The following SLIT2 variants were observed in gnomAD, a reference collection of about 807,000 sequenced individuals.
The protein encoded by SLIT2 is slit guidance ligand 2.
A neutral mutation model predicts 185.7 loss-of-function variants in SLIT2; 41 were observed. The ratio of observed to expected loss-of-function variants is 0.22; its 90% CI spans 0.17 to 0.29. The LOEUF (loss-of-function observed/expected upper bound fraction) is 0.29. SLIT2 is among the 10% of genes least tolerant of loss of function. The pLI is 1.00. For synonymous variants in SLIT2, 693 were observed against 680.2 expected, an observed-to-expected ratio of 1.02 and a Z score of -0.29; for missense variants, 1,571 against 1,909.0, an observed-to-expected ratio of 0.82 and a Z score of 3.30.
At chr4:20,580,214 C>T (rs1006178526) in intron 29 of SLIT2, among the ~76,000 whole-genome samples, 20 of 151,166 alleles carry the variant, frequency 1.3e-4, no homozygotes, top group Non-Finnish European at 2.1e-4. Context: ...ATGCGCACCA[C>T]CATACCCAGT....
intron 4 of SLIT2, among the ~76,000 whole-genome samples, chr4:20,274,815 C>A (rs1291807238): frequency 6.6e-6 from 1 of 151,810 alleles, no homozygotes; most frequent in East Asian, 1.9e-4. Context: ...CTAACTCCAC[C>A]AACAAGTACT....
At chr4:20,541,369 C>T (rs1320438742) in intron 19 of SLIT2, 84 bp from the exon 20 acceptor site, 5 of 1,139,058 alleles carry the variant, frequency 4.4e-6, no homozygotes, top group East Asian at 2.4e-5. Flanking sequence ...GCGGAAATAG[C>T]GTGGAGAAGG....
chr4:20,487,763 A>T (rs932718279), intron 7 of SLIT2, among the ~76,000 whole-genome samples: 1 of 152,202 alleles, frequency 6.6e-6, no homozygotes, highest in African/African-American at 2.4e-5. Context: ...GCTCAAGGAG[A>T]ATGCAAAGCA....
intron 34 of SLIT2, chr4:20,616,426 G>A (rs1371677212): frequency 6.5e-6 from 1 of 152,682 alleles, no homozygotes; most frequent in Non-Finnish European, 1.5e-5. Context: ...CATGTCACCA[G>A]GGCTTTCTGA....
chr4:20,332,955 T>G (rs1720192707), intron 4 of SLIT2, among the ~76,000 whole-genome samples: 1 of 152,134 alleles, frequency 6.6e-6, no homozygotes, highest in African/African-American at 2.4e-5. Flanking sequence ...ATTTTCTATT[T>G]TTAAAAGAAA....
intron 4 of SLIT2, among the ~76,000 whole-genome samples, chr4:20,452,467 A>G (rs1378197241): frequency 1.3e-5 from 2 of 152,236 alleles, no homozygotes; most frequent in Non-Finnish European, 2.9e-5. Flanking sequence ...GGACAGTTTC[A>G]AAACTCTCTG....
At chr4:20,378,653 G>C (rs1281127647) in intron 4 of SLIT2, among the ~76,000 whole-genome samples, 4 of 152,090 alleles carry the variant, frequency 2.6e-5, no homozygotes, top group African/African-American at 9.7e-5. Context: ...TCAGTAACTG[G>C]AAGGTTAATC....
At chr4:20,523,666 T>C (rs1721030694) in intron 12 of SLIT2, 94 bp from the exon 13 acceptor site, 1 of 979,130 alleles carries the variant, frequency 1.0e-6, no homozygotes, top group South Asian at 1.5e-5. Context: ...AAAAGAAATA[T>C]ATTTCTTGAC....
chr4:20,607,003 C>T (rs1315536266), intron 33 of SLIT2, among the ~76,000 whole-genome samples: 1 of 152,176 alleles, frequency 6.6e-6, no homozygotes, highest in Non-Finnish European at 1.5e-5. Context: ...AGCTGGACAA[C>T]CTGGCTTCAG....
At chr4:20,431,886 T>C (rs1729010028) in intron 4 of SLIT2, among the ~76,000 whole-genome samples, 1 of 152,190 alleles carries the variant, frequency 6.6e-6, no homozygotes, top group African/African-American at 2.4e-5. Flanking sequence ...TAGGAGTGTT[T>C]GGAACTTGAT....
At chr4:20,434,350 G>T (rs1364536176) in intron 4 of SLIT2, among the ~76,000 whole-genome samples, 2 of 152,186 alleles carry the variant, frequency 1.3e-5, no homozygotes, top group African/African-American at 4.8e-5. Context: ...GCTGGGCGTG[G>T]TGGCGCATGC....
intron 4 of SLIT2, among the ~76,000 whole-genome samples, chr4:20,353,711 A>G (rs1722068846): frequency 6.6e-6 from 1 of 152,186 alleles, no homozygotes; most frequent in African/African-American, 2.4e-5. Context: ...AAAAGAAGAA[A>G]TGCAGCTGGT....
intron 4 of SLIT2, among the ~76,000 whole-genome samples, chr4:20,413,835 G>T (rs568236536): frequency 6.6e-6 from 1 of 151,884 alleles, no homozygotes; most frequent in South Asian, 2.1e-4. Context: ...TGGCATCTAG[G>T]TATATCATGT....
At chr4:20,384,130 A>T (rs73238770) in intron 4 of SLIT2, among the ~76,000 whole-genome samples, 5 of 151,894 alleles carry the variant, frequency 3.3e-5, no homozygotes, top group Non-Finnish European at 7.4e-5. Context: ...AAAACCAGAA[A>T]AGAACTCAAT....
chr4:20,429,616 T>C (rs1410878195), intron 4 of SLIT2, among the ~76,000 whole-genome samples: 1 of 151,150 alleles, frequency 6.6e-6, no homozygotes, highest in Non-Finnish European at 1.5e-5. Flanking sequence ...TGGGATGGAG[T>C]GGGAAAAGGG....
intron 4 of SLIT2, among the ~76,000 whole-genome samples, chr4:20,289,135 C>T (rs759372608): frequency 3.3e-5 from 5 of 152,128 alleles, no homozygotes; most frequent in African/African-American, 9.7e-5. Context: ...CAACAATGTC[C>T]GTACTCTCCA....
intron 29 of SLIT2, among the ~76,000 whole-genome samples, chr4:20,586,927 G>T (rs576650808): frequency 5.5e-4 from 84 of 152,250 alleles, no homozygotes; most frequent in Non-Finnish European, 7.9e-4. Flanking sequence ...ATGTCGGGTG[G>T]AAGATTGGTC....
intron 4 of SLIT2, among the ~76,000 whole-genome samples, chr4:20,366,300 C>T (rs1723113601): frequency 6.6e-6 from 1 of 152,166 alleles, no homozygotes; most frequent in Non-Finnish European, 1.5e-5. Context: ...TAGGCATTCA[C>T]AGCTCTTAGC....
At chr4:20,290,901 T>C (rs1475515261) in intron 4 of SLIT2, among the ~76,000 whole-genome samples, 1 of 152,146 alleles carries the variant, frequency 6.6e-6, no homozygotes, top group Non-Finnish European at 1.5e-5. Flanking sequence ...TCTGTGTCCC[T>C]AGCTTAAATT....
Sources: allele counts gnomAD v4.1 joint callset (sites outside exome capture counted in the v4.1 genomes callset), GRCh38; gene constraint gnomAD v4.1.1; transcripts MANE v1.5; gene names NCBI Gene and HGNC (gene_info 2026-07-23, HGNC 2026-07-21).